The following TRABD2A variants were observed in gnomAD, a reference collection of about 807,000 sequenced individuals.
TRABD2A encodes TraB domain containing 2A, also known as metalloprotease TIKI1.
Under a neutral mutation model 45.6 loss-of-function variants are expected in TRABD2A, and 43 were observed. The observed-to-expected ratio is 0.94, with a 90% CI of 0.74 to 1.22. The LOEUF is 1.22. TRABD2A is among the 50% of genes most tolerant of loss of function. The probability of loss-of-function intolerance (pLI) is 0.00; values close to 1 mark genes in which losing one functional copy is unlikely to be tolerated. For missense variants in TRABD2A, 642 were observed against 652.4 expected (o/e 0.98, Z 0.17); for synonymous variants, 269 against 265.0 (o/e 1.02, Z -0.15).
intron 2 of TRABD2A, among the ~76,000 whole-genome samples, chr2:84,846,663 A>G (rs1406291784): frequency 6.6e-6 from 1 of 152,208 alleles, no homozygotes; most frequent in East Asian, 1.9e-4. Context: ...TCATCAGACA[A>G]GGCAGCCCAC....
intron 2 of TRABD2A, among the ~76,000 whole-genome samples, chr2:84,852,137 A>C (rs994756621): frequency 6.6e-6 from 1 of 152,028 alleles, no homozygotes; most frequent in Non-Finnish European, 1.5e-5. Flanking sequence ...CCACACACAA[A>C]CTCTATTCAT....
At chr2:84,829,393 CA>C (rs1681247879) in intron 5 of TRABD2A, among the ~76,000 whole-genome samples, 1 of 142,958 alleles carries the variant, frequency 7.0e-6, no homozygotes, top group African/African-American at 2.7e-5. Flanking sequence ...CACACACACA[CA>C]CACACCACAC....
intron 2 of TRABD2A, among the ~76,000 whole-genome samples, chr2:84,869,550 T>C (rs558433228): frequency 1.0e-3 from 154 of 152,356 alleles, no homozygotes; most frequent in African/African-American, 3.6e-3. Flanking sequence ...AAGAGACTGC[T>C]GTCTCCTAAA....
At chr2:84,850,871 A>G (rs1682063322) in intron 2 of TRABD2A, 1 of 152,278 alleles carries the variant, frequency 6.6e-6, no homozygotes, top group Non-Finnish European at 1.5e-5. Context: ...ACCACCTAAC[A>G]TCATGCTGCT....
At chr2:84,858,568 T>A (rs6744598) in intron 2 of TRABD2A, among the ~76,000 whole-genome samples, 29,785 of 152,028 alleles carry the variant, frequency 0.2, 3,834 homozygotes, top group African/African-American at 0.37. Context: ...AGGAAGGGAC[T>A]AAAACTGGGT....
rs577879899 is a variant in TRABD2A, at chr2:84,865,819, G to A, written c.669+4406C>T. Among the ~76,000 whole-genome samples, 9 of 152,290 alleles carry A rather than the reference G, an allele frequency of 5.9e-5. No homozygotes were observed. In the South Asian group the frequency reaches 1.9e-3, roughly 32 times the overall value. ...GGATTTAGCAAGACCATTTCTCTAG[G>A]GGAACCTACCTGTGCAGACAGAGAA... On this transcript the variant is annotated intron_variant, in intron 2 of 6. Transcript: ENST00000409520.
intron 5 of TRABD2A, among the ~76,000 whole-genome samples, chr2:84,829,257 C>T (rs1440965293): frequency 6.6e-6 from 1 of 151,934 alleles, no homozygotes; most frequent in Admixed American, 6.6e-5. Context: ...CACTGGGCAT[C>T]GGAATCTCCT....
intron 5 of TRABD2A, among the ~76,000 whole-genome samples, chr2:84,825,960 C>T (rs141584485): frequency 2.0e-3 from 302 of 152,244 alleles, no homozygotes; most frequent in Non-Finnish European, 2.3e-3. Context: ...CCCCCCTCCC[C>T]GATCCATGGA....
intron 2 of TRABD2A, among the ~76,000 whole-genome samples, chr2:84,855,454 T>C (rs928081891): frequency 1.3e-5 from 2 of 151,986 alleles, no homozygotes; most frequent in African/African-American, 4.8e-5. Context: ...AAAAAAATGG[T>C]TATCAGTCTA....
At chr2:84,853,559 A>G (rs1237663678) in intron 2 of TRABD2A, among the ~76,000 whole-genome samples, 2 of 152,174 alleles carry the variant, frequency 1.3e-5, no homozygotes, top group Non-Finnish European at 2.9e-5. Context: ...TGGAAACTAC[A>G]GTTCAGTGTA....
intron 1 of TRABD2A, among the ~76,000 whole-genome samples, chr2:84,873,576 T>G (rs1682936597): frequency 6.6e-6 from 1 of 152,162 alleles, no homozygotes; most frequent in Non-Finnish European, 1.5e-5. Context: ...AAACTGTACA[T>G]CTACCAAGAA....
intron 2 of TRABD2A, among the ~76,000 whole-genome samples, chr2:84,842,975 T>C (rs527425332): frequency 2.5e-4 from 38 of 151,522 alleles, no homozygotes; most frequent in Non-Finnish European, 4.7e-4. Context: ...AGATCTCCAG[T>C]GTCCAGGAGA....
At chr2:84,827,377 A>G (rs1295677218) in intron 5 of TRABD2A, among the ~76,000 whole-genome samples, 2 of 152,236 alleles carry the variant, frequency 1.3e-5, no homozygotes, top group African/African-American at 2.4e-5. Context: ...TGCCCCTTGC[A>G]TAAAATTAAC....
At chr2:84,841,277 G>T (rs778139360) in intron 3 of TRABD2A, among the ~76,000 whole-genome samples, 68 of 152,334 alleles carry the variant, frequency 4.5e-4, no homozygotes, top group Admixed American at 1.4e-3. Flanking sequence ...AGGCTGAGCA[G>T]CTACTTCCTT....
chr2:84,842,006 A>G lies in TRABD2A; in HGVS notation c.671T>C (p.Val224Ala). 1 of 1,495,150 alleles carries G rather than the reference A, an allele frequency of 6.7e-7. No individual in the cohort carries two copies. The highest frequency in any genetic ancestry group is 8.9e-7 in the Non-Finnish European group (1 of 1,122,140). The allele number at this position is 1,495,150 out of a possible 1,614,324, so 92.6% of individuals were successfully genotyped here. A position where few individuals can be genotyped will look rare whatever the true frequency, so the allele number is the denominator to read the frequency against. The change falls in exon 3 of 7, where the codon GTC becomes GCC. Residue 224 changes from valine (V) to alanine (A), a missense_variant and splice_region_variant. By Grantham distance (64) the Val-to-Ala change is moderately conservative. Coordinates refer to ENST00000409520, the MANE Select transcript of TRABD2A (RefSeq NM_001277053.2). ...GAGGGTCTGGTTCAAAGCAAAGATG[A>G]CCTAAAAGAAAGGTCTCTTTTAAGT... ...HPLNGLNFSQVIFALNQTLLQ... is the reference protein window; with the variant it reads ...HPLNGLNFSQAIFALNQTLLQ...
intron 2 of TRABD2A, among the ~76,000 whole-genome samples, chr2:84,856,457 T>G (rs374586400): frequency 6.6e-6 from 1 of 152,144 alleles, no homozygotes; most frequent in East Asian, 1.9e-4. Context: ...CACACACTTC[T>G]TTGGATGTCT....
intron 2 of TRABD2A, among the ~76,000 whole-genome samples, chr2:84,852,382 G>T (rs528625818): frequency 6.6e-6 from 1 of 152,198 alleles, no homozygotes; most frequent in East Asian, 1.9e-4. Flanking sequence ...GTGGGGGATG[G>T]TTGCCAGAAT....
rs545352925 is a variant in TRABD2A at position 84,880,273 on chromosome 2, C to T, written c.108+659G>A. Among the ~76,000 whole-genome samples the T allele has an allele frequency of 2.0e-5, 3 of 151,956 alleles. No individual in the cohort carries two copies. In the South Asian group the frequency reaches 6.2e-4, roughly 32 times the overall value. ...TGACTCGGGCAGGTCACTGAGCCTC[C>T]CTTGCCTGGGTTTCCCTCACCCACA... On this transcript the variant is annotated intron_variant, in intron 1 of 6. Coordinates refer to ENST00000409520, the MANE Select transcript of TRABD2A (RefSeq NM_001277053.2).
chr2:84,846,859 C>T (rs980261669), intron 2 of TRABD2A, among the ~76,000 whole-genome samples: 2 of 152,246 alleles, frequency 1.3e-5, no homozygotes, highest in African/African-American at 2.4e-5. Context: ...AGCCAGAATA[C>T]TCCCCTGATG....
Sources: allele counts gnomAD v4.1 joint callset (sites outside exome capture counted in the v4.1 genomes callset), GRCh38; gene constraint gnomAD v4.1.1; transcripts MANE v1.5; gene names NCBI Gene and HGNC (gene_info 2026-07-23, HGNC 2026-07-21).